The following STK32B variants were observed in gnomAD, a reference collection of about 807,000 sequenced individuals.
STK32B encodes serine/threonine-protein kinase 32B.
STK32B carries 43 observed loss-of-function variants against 52.6 expected under a neutral mutation model. That is an observed-to-expected ratio of 0.82 (90% CI 0.64 to 1.05). The LOEUF (loss-of-function observed/expected upper bound fraction) is 1.05. Ranked by LOEUF, STK32B falls within the 50% of genes least tolerant of loss-of-function variation. The probability of loss-of-function intolerance (pLI) is 0.00; values close to 1 mark genes in which losing one functional copy is unlikely to be tolerated. For synonymous variants in STK32B, 238 were observed against 204.3 expected (o/e 1.17, Z -1.41); for missense variants, 621 against 534.6 (o/e 1.16, Z -1.59).
At chr4:5,033,644 A>C in the STK32B span, among the ~76,000 whole-genome samples, 1 of 152,234 alleles carries the variant, frequency 6.6e-6, no homozygotes. Context: ...TGCATGTGGC[A>C]AAGAATAAGG....
intron 2 of STK32B, among the ~76,000 whole-genome samples, chr4:5,159,849 A>T (rs1718297345): frequency 6.6e-6 from 1 of 151,292 alleles, no homozygotes; most frequent in South Asian, 2.1e-4. Context: ...TAAGATGATT[A>T]TGGAAGCTGC....
At chr4:5,465,579 G>A (rs1438571589) in intron 9 of STK32B, among the ~76,000 whole-genome samples, 1 of 152,174 alleles carries the variant, frequency 6.6e-6, no homozygotes, top group East Asian at 1.9e-4. Context: ...TTGTGGAACG[G>A]CCACCATGGT....
Position 5,093,230 on chromosome 4 carries a change from A to C in STK32B, c.52+41315A>C, listed in dbSNP as rs1369660131. On this transcript the variant is annotated intron_variant, in intron 1 of 11. Transcript: ENST00000282908. ...CACTTACTACCATAAAATGTATACA[A>C]ATCTATTATAAAAGGTTAACATTTA... Among the ~76,000 whole-genome samples the C allele has an allele frequency of 2.0e-5, 3 of 152,230 alleles. No homozygotes were observed. In the East Asian group the frequency reaches 5.8e-4, roughly 29 times the overall value.
In STK32B at chr4:5,170,701, G is replaced by C. The variant is rs372509623; in HGVS notation, c.260+2251G>C. ...ATATGTGCCACATTTTCTTAATCCA[G>C]TCTATCATTGTTGGACATTTGGGTT... On this transcript the variant is annotated intron_variant, in intron 3 of 11. Transcript: ENST00000282908. 2.3e-4 allele frequency among the ~76,000 whole-genome samples: 35 copies of C among 152,242 alleles called. No homozygotes were observed. In the East Asian group the frequency reaches 2.9e-3, roughly 13 times the overall value.
intron 11 of STK32B, among the ~76,000 whole-genome samples, chr4:5,484,260 A>G (rs975568135): frequency 1.3e-5 from 2 of 152,124 alleles, no homozygotes; most frequent in African/African-American, 4.8e-5. Context: ...TGCTCTATGA[A>G]TCTGGGTACT....
chr4:5,113,527 TTATTAC>T, intron 1 of STK32B, among the ~76,000 whole-genome samples: 1 of 152,328 alleles, frequency 6.6e-6, no homozygotes. Context: ...TTGGGTTTGT[TTATTAC>T]AGAGCATAAC....
intron 2 of STK32B, among the ~76,000 whole-genome samples, chr4:5,166,181 G>C (rs1402736057): frequency 6.6e-6 from 1 of 152,050 alleles, no homozygotes; most frequent in African/African-American, 2.4e-5. Context: ...TTCCTTCGCT[G>C]GGTCCTCAAG....
intron 1 of STK32B, among the ~76,000 whole-genome samples, chr4:5,111,772 G>A (rs1407806788): frequency 2.0e-5 from 3 of 151,964 alleles, no homozygotes; most frequent in African/African-American, 4.8e-5. Flanking sequence ...TAAAGAAAAC[G>A]ATGTGTATGG....
At chr4:5,472,294 C>T (rs922174782) in intron 11 of STK32B, among the ~76,000 whole-genome samples, 1 of 152,220 alleles carries the variant, frequency 6.6e-6, no homozygotes, top group African/African-American at 2.4e-5. Flanking sequence ...CACACAGGGG[C>T]CACTGTGGGG....
chr4:5,067,752 A>C (rs575858347), intron 1 of STK32B, among the ~76,000 whole-genome samples: 4 of 152,150 alleles, frequency 2.6e-5, no homozygotes, highest in Admixed American at 6.5e-5. Context: ...TAATTGGCTC[A>C]TGGTTCTGCA....
chr4:5,127,112 A>C (rs1053052800), intron 1 of STK32B: 4 of 513,336 alleles, frequency 7.8e-6, no homozygotes, highest in Non-Finnish European at 1.6e-5. Context: ...GAACTTAACC[A>C]GACGAGAATA....
At chr4:5,457,018 A>G (rs1051884823) in intron 8 of STK32B, 95 bp downstream of exon 8, 16 of 884,824 alleles carry the variant, frequency 1.8e-5, no homozygotes, top group African/African-American at 6.8e-5. Flanking sequence ...TACAAATGGC[A>G]TACTCGGGGT....
chr4:5,096,994 C>T lies in STK32B; in HGVS notation c.53-42911C>T, dbSNP rs1179572342. ...ATTCTTCCTCTACAGAAGAGGAAAT[C>T]GAAGCTGAGAAAATAAGAAACTTAT... is the stretch of plus-strand genomic sequence containing the variant. On this transcript the variant is annotated intron_variant, in intron 1 of 11. Transcript: ENST00000282908. Among the ~76,000 whole-genome samples, 4 of 152,166 alleles carry T rather than the reference C, an allele frequency of 2.6e-5. No homozygotes were observed. The South Asian group carries it at 6.2e-4, about 24-fold the overall frequency.
intron 6 of STK32B, among the ~76,000 whole-genome samples, chr4:5,430,691 C>T (rs71597759): frequency 9.2e-6 from 1 of 108,636 alleles, no homozygotes; most frequent in African/African-American, 4.8e-5. Flanking sequence ...TACTACTATG[C>T]TTTTAGTTTT....
At chr4:5,407,650 TG>T (rs1737768101) in intron 5 of STK32B, among the ~76,000 whole-genome samples, 1 of 151,632 alleles carries the variant, frequency 6.6e-6, no homozygotes, top group African/African-American at 2.4e-5. Flanking sequence ...GGCAGGAGTT[TG>T]GGGGGTGGGG....
chr4:5,101,720 A>G (rs955509264), intron 1 of STK32B, among the ~76,000 whole-genome samples: 2 of 152,164 alleles, frequency 1.3e-5, no homozygotes, highest in Non-Finnish European at 2.9e-5. Context: ...GGGACTGACT[A>G]ACAAGCTGTG....
intron 1 of STK32B, among the ~76,000 whole-genome samples, chr4:5,124,527 A>G (rs1211895286): frequency 3.3e-5 from 5 of 152,218 alleles, no homozygotes; most frequent in African/African-American, 1.2e-4. Flanking sequence ...GAATAGAGCC[A>G]CATCCTCATG....
At chr4:5,446,080 G>A (rs1715390947) in intron 6 of STK32B, among the ~76,000 whole-genome samples, 1 of 152,272 alleles carries the variant, frequency 6.6e-6, no homozygotes, top group East Asian at 1.9e-4. Context: ...CCCCTCCAGG[G>A]GCATGTCTTC....
At chr4:5,431,656 A>G (rs9997154) in intron 6 of STK32B, among the ~76,000 whole-genome samples, 1,739 of 152,214 alleles carry the variant, frequency 0.011, 27 homozygotes, top group African/African-American at 0.04. Flanking sequence ...CCTTCTTCCT[A>G]TGCATAACTC....
Sources: gnomAD v4.1 joint callset for allele counts (sites outside exome capture counted in the v4.1 genomes callset) on GRCh38, gnomAD v4.1.1 for gene constraint, MANE v1.5 for transcripts, NCBI Gene and HGNC (gene_info 2026-07-23, HGNC 2026-07-21) for gene names.